CKAP5: variants seen among roughly 807,000 people sequenced by gnomAD.
CKAP5 encodes the protein cytoskeleton associated protein 5.
A neutral mutation model predicts 232.8 loss-of-function variants in CKAP5; 27 were observed. The ratio of observed to expected loss-of-function variants is 0.12; its 90% CI spans 0.09 to 0.16. The LOEUF (loss-of-function observed/expected upper bound fraction) is 0.16. Among genes scored for constraint, CKAP5 ranks in the 10% least tolerant of loss-of-function variants. The pLI is 1.00. For missense variants in CKAP5, 1,838 were observed against 2,424.7 expected (o/e 0.76, Z 5.08); for synonymous variants, 785 against 841.1 (o/e 0.93, Z 1.16).
chr11:46,815,443 A>G lies in CKAP5; in HGVS notation c.458+755T>C, dbSNP rs1592477348. Among the ~76,000 whole-genome samples, 4 of 152,166 alleles carry G rather than the reference A, an allele frequency of 2.6e-5. No individual in the cohort carries two copies. In the South Asian group the frequency reaches 8.3e-4, roughly 32 times the overall value. On this transcript the variant is annotated intron_variant, in intron 4 of 43. Coordinates refer to ENST00000529230, the MANE Select transcript of CKAP5 (RefSeq NM_001008938.4). ...CAGCTCAGTGCAGCCTAGAACTTCT[A>G]GACTCAAGAGATCCTCCCCACCTCA...
chr11:46,832,518 C>T (rs1939814985), intron 1 of CKAP5, among the ~76,000 whole-genome samples: 1 of 152,108 alleles, frequency 6.6e-6, no homozygotes, highest in African/African-American at 2.4e-5. Flanking sequence ...CCTTGCTCTG[C>T]CACAAACCAG....
chr11:46,751,253 G>A lies in CKAP5; in HGVS notation c.5325C>T (p.Ile1775=), dbSNP rs891124851. The change falls in exon 40 of 44, where the codon ATC becomes ATT. Residue 1775 remains isoleucine (I), a splice_region_variant and synonymous_variant. Coordinates refer to ENST00000529230, the MANE Select transcript of CKAP5 (RefSeq NM_001008938.4). ...TGTCGATCATCGTTAGGTGGTCCAGGATCTGAGGGAGACACATGCATGACT... is the reference window on the plus strand; with the variant it reads ...TGTCGATCATCGTTAGGTGGTCCAGAATCTGAGGGAGACACATGCATGACT... ...HTLCKLKGPK[I]LDHLTMIDNK... The A allele has an allele frequency of 2.5e-6, 4 of 1,614,046 alleles. No homozygotes were observed. The East Asian group carries it at 6.7e-5, about 27-fold the overall frequency.
chr11:46,778,618 G>A lies in CKAP5; in HGVS notation c.2434-19C>T. Reference sequence around the variant, plus strand: ...CCTGCATCTATACACAAATGAATGAGTAAGGCTAATGAAATTTATATAGGA... The same window carrying A: ...CCTGCATCTATACACAAATGAATGAATAAGGCTAATGAAATTTATATAGGA... On this transcript the variant is annotated intron_variant, in intron 20 of 43. Coordinates refer to ENST00000529230, the MANE Select transcript of CKAP5 (RefSeq NM_001008938.4). 1 of 1,609,604 alleles carries A rather than the reference G, an allele frequency of 6.2e-7. No homozygotes were observed. Among genetic ancestry groups the A allele is most frequent in the Non-Finnish European group, 8.5e-7 (1 of 1,177,194 alleles).
chr11:46,761,020 A>C (rs1380492011), intron 32 of CKAP5, among the ~76,000 whole-genome samples: 1 of 152,166 alleles, frequency 6.6e-6, no homozygotes, highest in Non-Finnish European at 1.5e-5. Flanking sequence ...AGGCCAAAGC[A>C]GGAGGATCAC....
intron 38 of CKAP5, among the ~76,000 whole-genome samples, chr11:46,752,161 C>CATATATATATATATATATATAT (rs142364564): frequency 1.7e-4 from 15 of 88,826 alleles, no homozygotes; most frequent in Non-Finnish European, 2.8e-4. Flanking sequence ...AAGACCAATT[C>CATATATATATATATATATATAT]ATATATATAT....
At position 46,757,563 on chromosome 11, in the gene CKAP5, AT is replaced by A. The variant is rs531458197; in HGVS notation, c.4689+1359del. ...TTCACTTTGGGTTGTTTTATTTTTTATTTTTTAAATTTTATTTATTTATTTG... is the reference window on the plus strand; with the variant it reads ...TTCACTTTGGGTTGTTTTATTTTTTATTTTTAAATTTTATTTATTTATTTG... On this transcript the variant is annotated intron_variant, in intron 35 of 43. Transcript: ENST00000529230. Among the ~76,000 whole-genome samples the A allele has an allele frequency of 2.8e-3, 419 of 151,952 alleles. 2 individuals carry two copies. The highest frequency in any genetic ancestry group is 9.6e-3 in the African/African-American group (397 of 41,514).
chr11:46,747,290 G>A (rs1342401712), intron 42 of CKAP5, among the ~76,000 whole-genome samples: 1 of 152,108 alleles, frequency 6.6e-6, no homozygotes, highest in Non-Finnish European at 1.5e-5. Context: ...TGGGGTGAGG[G>A]ATAGGTTGCA....
At chr11:46,802,624 T>G (rs1939060444) in intron 8 of CKAP5, among the ~76,000 whole-genome samples, 1 of 151,578 alleles carries the variant, frequency 6.6e-6, no homozygotes, top group Admixed American at 6.6e-5. Flanking sequence ...CACACACGGC[T>G]GCTTTATTTT....
At chr11:46,781,896 G>C (rs1250733676) in intron 18 of CKAP5, among the ~76,000 whole-genome samples, 1 of 152,104 alleles carries the variant, frequency 6.6e-6, no homozygotes, top group Non-Finnish European at 1.5e-5. Flanking sequence ...CATGATCTTG[G>C]CTCACTGCAA....
intron 24 of CKAP5, among the ~76,000 whole-genome samples, chr11:46,773,508 C>CA (rs35839553): frequency 1.3e-5 from 2 of 151,526 alleles, no homozygotes; most frequent in African/African-American, 4.9e-5. Context: ...CGTGGCCTCC[C>CA]AAAGTGCTGG....
At chr11:46,765,078 C>T in intron 28 of CKAP5, 53 bp downstream of exon 28, 1 of 1,554,012 alleles carries the variant, frequency 6.4e-7, no homozygotes. Flanking sequence ...CAAAACTATT[C>T]TTGAATAACA....
intron 3 of CKAP5, among the ~76,000 whole-genome samples, chr11:46,816,633 CA>C (rs1360843211): frequency 5.9e-5 from 9 of 151,992 alleles, no homozygotes. Flanking sequence ...AAAATTCAAA[CA>C]AAAAATTAAA....
intron 28 of CKAP5, among the ~76,000 whole-genome samples, chr11:46,764,418 A>C (rs1305844244): frequency 1.3e-5 from 2 of 152,222 alleles, no homozygotes; most frequent in Non-Finnish European, 2.9e-5. Context: ...ACATACATAC[A>C]ATGCACCAAT....
intron 13 of CKAP5, among the ~76,000 whole-genome samples, chr11:46,794,495 T>C (rs1191554282): frequency 9.5e-6 from 1 of 104,830 alleles, no homozygotes; most frequent in African/African-American, 2.6e-5. Context: ...TGAGTAGATA[T>C]TTTTTTCCAA....
intron 8 of CKAP5, among the ~76,000 whole-genome samples, chr11:46,803,625 T>C (rs958472695): frequency 6.6e-6 from 1 of 152,182 alleles, no homozygotes; most frequent in African/African-American, 2.4e-5. Flanking sequence ...TAGCAAATGG[T>C]AATGCTGTGT....
chr11:46,774,171 A>T (rs1353895658), intron 24 of CKAP5, among the ~76,000 whole-genome samples: 2 of 152,190 alleles, frequency 1.3e-5, no homozygotes, highest in Non-Finnish European at 2.9e-5. Context: ...AACTTCAGCA[A>T]AGTCTCAGGA....
chr11:46,780,334 A>G lies in CKAP5; in HGVS notation c.2308-15T>C, dbSNP rs1238031601. Reference sequence around the variant, plus strand: ...GTCCTCACAGCCTGCCAGACAGAAGAAAAATAACTTTTTAAATCACAAAGA... The same window carrying G: ...GTCCTCACAGCCTGCCAGACAGAAGGAAAATAACTTTTTAAATCACAAAGA... On this transcript the variant is annotated splice_polypyrimidine_tract_variant and intron_variant, in intron 19 of 43. Coordinates refer to ENST00000529230, the MANE Select transcript of CKAP5 (RefSeq NM_001008938.4). 1.2e-6 allele frequency: 2 copies of G among 1,613,884 alleles called. No homozygotes were observed. The highest frequency in any genetic ancestry group is 8.5e-7 in the Non-Finnish European group (1 of 1,179,916).
intron 9 of CKAP5, 22 bp downstream of exon 9, chr11:46,801,178 T>C (rs771462183): frequency 1.6e-5 from 24 of 1,545,356 alleles, no homozygotes; most frequent in Non-Finnish European, 2.1e-5. Context: ...TTGATCTGTA[T>C]CTAAAAAGGA....
rs1037964579 is a variant in CKAP5, at chr11:46,808,063, C to T, written c.946G>A (p.Asp316Asn). 3.1e-6 allele frequency: 5 copies of T among 1,613,878 alleles called. No homozygotes were observed. Among genetic ancestry groups the T allele is most frequent in the South Asian group, 1.1e-5 (1 of 91,072 alleles). Residue 316 changes from aspartate to asparagine, a missense_variant, in exon 8 of 44, where the codon GAT becomes AAT. Transcript: ENST00000529230. Reference sequence around the variant, plus strand: ...AATGCTTTTACTAAATCTGCATAATCGCCAGCTTCCAGTTTGGGGTTTTTT... The same window carrying T: ...AATGCTTTTACTAAATCTGCATAATTGCCAGCTTCCAGTTTGGGGTTTTTT... Reference protein sequence around the residue: ...LIKNPKLEAGDYADLVKALKK... With the variant: ...LIKNPKLEAGNYADLVKALKK...
Sources: allele counts gnomAD v4.1 joint callset (sites outside exome capture counted in the v4.1 genomes callset), GRCh38; gene constraint gnomAD v4.1.1; transcripts MANE v1.5; gene names NCBI Gene and HGNC (gene_info 2026-07-23, HGNC 2026-07-21).